The following VPS13C variants were observed in gnomAD, a reference collection of about 807,000 sequenced individuals.
VPS13C encodes vacuolar protein sorting 13 homolog C, also known as intermembrane lipid transfer protein VPS13C.
In VPS13C, 358 loss-of-function variants were observed where a neutral mutation model predicts 456.8. The observed-to-expected ratio is 0.78, with a 90% CI of 0.72 to 0.86. VPS13C has a LOEUF of 0.86. Ranked by LOEUF, VPS13C falls within the 40% of genes least tolerant of loss-of-function variation. VPS13C has a pLI of 0.00. For missense variants in VPS13C, 4,818 were observed against 4,385.4 expected (o/e 1.10, Z -2.79); for synonymous variants, 1,578 against 1,486.7 (o/e 1.06, Z -1.41).
chr15:62,034,730 T>TAA (rs1285709613), intron 4 of VPS13C, among the ~76,000 whole-genome samples: 8 of 151,854 alleles, frequency 5.3e-5, no homozygotes, highest in Middle Eastern at 6.8e-3. Context: ...ACAGAATAAA[T>TAA]TGAAAAAATG....
At chr15:61,972,599 C>A (rs1165721068) in intron 27 of VPS13C, 26 bp downstream of exon 27, 1 of 1,606,788 alleles carries the variant, frequency 6.2e-7, no homozygotes, top group Non-Finnish European at 8.5e-7. Flanking sequence ...CAGAATATAT[C>A]TATTTATAGA....
intron 73 of VPS13C, 72 bp from the exon 74 acceptor site, chr15:61,878,818 C>A: frequency 6.8e-7 from 1 of 1,467,284 alleles, no homozygotes; most frequent in South Asian, 1.4e-5. Context: ...TCCAGGTAGT[C>A]CAGAAACAAA....
intron 11 of VPS13C, 103 bp from the exon 12 acceptor site, chr15:62,012,267 T>C (rs1422662616): frequency 8.5e-6 from 5 of 588,200 alleles, no homozygotes; most frequent in African/African-American, 2.1e-5. Context: ...CAAAGCTTGG[T>C]TCTTCATCAA....
intron 82 of VPS13C, among the ~76,000 whole-genome samples, chr15:61,862,648 T>C (rs532910732): frequency 6.6e-6 from 1 of 152,300 alleles, no homozygotes; most frequent in African/African-American, 2.4e-5. Context: ...TTTTAGATTG[T>C]TTTGTGAATA....
intron 82 of VPS13C, among the ~76,000 whole-genome samples, chr15:61,859,834 T>C (rs1200196523): frequency 6.6e-6 from 1 of 151,900 alleles, no homozygotes; most frequent in African/African-American, 2.4e-5. Flanking sequence ...CATATGTTGA[T>C]GGTTTTTTTT....
intron 9 of VPS13C, 49 bp from the exon 10 acceptor site, chr15:62,014,041 A>G (rs773861243): frequency 1.4e-6 from 2 of 1,404,552 alleles, no homozygotes; most frequent in Non-Finnish European, 2.0e-6. Flanking sequence ...GATGTCATTA[A>G]TAGCGCTCTA....
intron 45 of VPS13C, among the ~76,000 whole-genome samples, chr15:61,945,370 T>C (rs1049687440): frequency 1.3e-5 from 2 of 152,220 alleles, no homozygotes; most frequent in African/African-American, 4.8e-5. Context: ...GTCCTCCAAA[T>C]GCCTGAAAAG....
intron 2 of VPS13C, among the ~76,000 whole-genome samples, chr15:62,042,543 T>C (rs1462883297): frequency 6.6e-6 from 1 of 152,122 alleles, no homozygotes; most frequent in Non-Finnish European, 1.5e-5. Context: ...AAAAAGTCTT[T>C]GCTGCCAATA....
chr15:61,873,362 C>T lies in VPS13C; in HGVS notation c.10462G>A (p.Gly3488Ser). Residue 3488 changes from glycine (G) to serine (S), a missense_variant, in exon 78 of 85, where the codon GGT becomes AGT. Physicochemically the swap from Gly to Ser is moderately conservative, Grantham distance 56. Coordinates refer to ENST00000644861, the MANE Select transcript of VPS13C (RefSeq NM_020821.3). ...TTGTCCATTGTAATTGCTGCCAAACCTTTCCCAACAGAACCGGTGATTCGA... is the reference window on the plus strand; with the variant it reads ...TTGTCCATTGTAATTGCTGCCAAACTTTTCCCAACAGAACCGGTGATTCGA... ...VSRITGSVGK[G>S]LAAITMDKEY... 1 of 1,613,686 alleles carries T rather than the reference C, an allele frequency of 6.2e-7. No individual in the cohort carries two copies. The highest frequency in any genetic ancestry group is 8.5e-7 in the Non-Finnish European group (1 of 1,179,754).
At chr15:61,869,896 G>GC (rs1894883772) in intron 79 of VPS13C, among the ~76,000 whole-genome samples, 1 of 152,168 alleles carries the variant, frequency 6.6e-6, no homozygotes. Flanking sequence ...CACTCCAGGT[G>GC]ATCCTGACAC....
In VPS13C at chr15:62,023,632, G is replaced by A. The variant is rs75618462; in HGVS notation, c.515-112C>T. ...CTCAATGGAAATTACAGCCAATAGT[G>A]TCTTTATTTATATTTTAATATGCAT... On this transcript the variant is annotated intron_variant, in intron 7 of 84. Coordinates refer to ENST00000644861, the MANE Select transcript of VPS13C (RefSeq NM_020821.3). 0.065 allele frequency: 70,992 copies of A among 1,096,614 alleles called. 2,741 individuals are homozygous for A. Among genetic ancestry groups the A allele is most frequent in the Middle Eastern group, 0.078 (306 of 3,912 alleles). 67.9% of individuals were successfully genotyped at this position (1,096,614 alleles called of 1,614,324 possible). A position where few individuals can be genotyped will look rare whatever the true frequency, so the allele number is the denominator to read the frequency against.
chr15:61,917,541 T>G lies in VPS13C; in HGVS notation c.7855A>C (p.Arg2619=), dbSNP rs755696298. 1.2e-6 allele frequency: 2 copies of G among 1,614,058 alleles called. No homozygotes were observed. The highest frequency in any genetic ancestry group is 1.7e-6 in the Non-Finnish European group (2 of 1,179,920). Residue 2619 remains arginine, a synonymous_variant, in exon 60 of 85, where the codon AGG becomes CGG. Transcript: ENST00000644861. ...ISWKEELHRS[R]EVRCMLQCPS... Reference sequence around the variant, plus strand: ...CACTGCAACATGCATCTGACTTCCCTGCTCCTATGAAGTTCTTCCTTCCAG... The same window carrying G: ...CACTGCAACATGCATCTGACTTCCCGGCTCCTATGAAGTTCTTCCTTCCAG...
chr15:61,974,582 CTA>C (rs1160807279), intron 24 of VPS13C, among the ~76,000 whole-genome samples, 165 bp from the exon 25 acceptor site: 1 of 152,132 alleles, frequency 6.6e-6, no homozygotes, highest in Non-Finnish European at 1.5e-5. Context: ...ATGGGAAGTT[CTA>C]TGTTAGCTAA....
At chr15:61,874,811 T>A in intron 77 of VPS13C, 65 bp downstream of exon 77, 1 of 1,395,444 alleles carries the variant, frequency 7.2e-7, no homozygotes, top group Non-Finnish European at 9.7e-7. Context: ...TTGTTTTTCA[T>A]AACAACGTAT....
chr15:61,916,330 G>C (rs2043471433), intron 60 of VPS13C, among the ~76,000 whole-genome samples: 1 of 152,138 alleles, frequency 6.6e-6, no homozygotes, highest in Non-Finnish European at 1.5e-5. Flanking sequence ...TTGTCCATTA[G>C]AGCTATGTCA....
At chr15:62,011,121 A>G (rs984581960) in intron 12 of VPS13C, among the ~76,000 whole-genome samples, 10 of 152,136 alleles carry the variant, frequency 6.6e-5, no homozygotes, top group African/African-American at 2.4e-4. Flanking sequence ...ACTAAAGAAA[A>G]TAATCTTCAA....
chr15:61,881,748 T>C lies in VPS13C; in HGVS notation c.9705A>G (p.Ser3235=). 1 of 1,608,782 alleles carries C rather than the reference T, an allele frequency of 6.2e-7. No individual in the cohort carries two copies. The highest frequency in any genetic ancestry group is 1.1e-5 in the South Asian group (1 of 89,740). ...ATGTCACAACTTATTTTATTTTACC[T>C]GAATCTAAAGCAATAGATTTTGGAG... ...VAPPKSIALD[S]EPKPFIDVSV... The change falls in exon 70 of 85, where the codon TCA becomes TCG. Residue 3235 remains serine, a splice_region_variant and synonymous_variant. Coordinates refer to ENST00000644861, the MANE Select transcript of VPS13C (RefSeq NM_020821.3).
At chr15:61,972,194 A>G (rs960581785) in intron 27 of VPS13C, among the ~76,000 whole-genome samples, 1 of 152,206 alleles carries the variant, frequency 6.6e-6, no homozygotes, top group Non-Finnish European at 1.5e-5. Context: ...CTTTTACCAC[A>G]TGACTTTTAA....
chr15:61,951,101 C>A (rs1356260663), intron 39 of VPS13C, 77 bp from the exon 40 acceptor site: 1 of 859,316 alleles, frequency 1.2e-6, no homozygotes, highest in East Asian at 2.6e-5. Context: ...GCCAAATGTA[C>A]ACAAATATAC....
Sources: gnomAD v4.1 joint callset for allele counts (sites outside exome capture counted in the v4.1 genomes callset) on GRCh38, gnomAD v4.1.1 for gene constraint, MANE v1.5 for transcripts, NCBI Gene and HGNC (gene_info 2026-07-23, HGNC 2026-07-21) for gene names.